BRSK2: variants seen among roughly 807,000 people sequenced by gnomAD.
BRSK2 encodes the protein BR serine/threonine kinase 2.
A neutral mutation model predicts 83.3 loss-of-function variants in BRSK2; 19 were observed. That is an observed-to-expected ratio of 0.23 (90% confidence interval 0.16 to 0.33). The LOEUF (loss-of-function observed/expected upper bound fraction) is 0.33. Ranked by LOEUF, BRSK2 falls within the 10% of genes least tolerant of loss-of-function variation. BRSK2 has a pLI of 1.00. For synonymous variants in BRSK2, 519 were observed against 435.4 expected (o/e 1.19, Z -2.39); for missense variants, 798 against 1,042.3 (o/e 0.77, Z 3.23).
intron 11 of BRSK2, 43 bp downstream of exon 11, chr11:1,445,711 C>T: frequency 1.2e-6 from 2 of 1,611,170 alleles, no homozygotes; most frequent in South Asian, 2.2e-5. Flanking sequence ...TGCACTGCCC[C>T]ACCGGGGTCC....
chr11:1,426,160 C>T (rs960914301), intron 1 of BRSK2, among the ~76,000 whole-genome samples: 22 of 152,310 alleles, frequency 1.4e-4, no homozygotes, highest in African/African-American at 4.3e-4. Flanking sequence ...CTGCATGGGA[C>T]GGGCAGGGCC....
chr11:1,450,878 AC>A, intron 14 of BRSK2, 84 bp downstream of exon 14: 2 of 1,346,328 alleles, frequency 1.5e-6, no homozygotes, highest in East Asian at 5.2e-5. Flanking sequence ...GCAGTGCCAG[AC>A]CAGTCCGAGG....
intron 1 of BRSK2, among the ~76,000 whole-genome samples, chr11:1,402,228 G>A (rs1846527283): frequency 6.6e-6 from 1 of 152,208 alleles, no homozygotes; most frequent in Non-Finnish European, 1.5e-5. Flanking sequence ...CCCCGGGGCG[G>A]GGCAGGCACA....
At chr11:1,420,413 A>AGTTTT (rs758080308) in intron 1 of BRSK2, among the ~76,000 whole-genome samples, 56 of 152,236 alleles carry the variant, frequency 3.7e-4, no homozygotes, top group Non-Finnish European at 6.3e-4. Flanking sequence ...AGACATTTTC[A>AGTTTT]GTTTTCCAGG....
chr11:1,454,781 C>T lies in BRSK2; in HGVS notation c.1668+173C>T, dbSNP rs1846272150. 6.6e-6 allele frequency among the ~76,000 whole-genome samples: 1 copy of T among 152,324 alleles called. No homozygotes were observed. The highest frequency in any genetic ancestry group is 1.9e-4 in the East Asian group (1 of 5,174). The stretch of plus-strand genomic sequence containing the variant: ...CACTGGACAGGCGCTCTCTCCTGCC[C>T]ACCCTCGTGAGGGAGGGGTCACTGC... On this transcript the variant is annotated intron_variant, in intron 16 of 19. Coordinates refer to ENST00000528841, the MANE Select transcript of BRSK2 (RefSeq NM_001256627.2). The surrounding 1 kb of genome is among the most constrained non-coding windows in gnomAD (Gnocchi z 5.2).
At position 1,459,224 on chromosome 11, in the gene BRSK2, C is replaced by A. The variant is rs746469963; in HGVS notation, c.1972C>A (p.Arg658=). 1 of 1,613,690 alleles carries A rather than the reference C, an allele frequency of 6.2e-7. No individual in the cohort carries two copies. The highest frequency in any genetic ancestry group is 1.3e-5 in the African/African-American group (1 of 74,924). ...TAACTGTATGGAAATGATGACGGGG[C>A]GGCTTTCCAAATGTGGTAAGAATCC... The part of the protein sequence containing the change: ...TTNCMEMMTG[R]LSKCGSPLSN... Residue 658 remains arginine (R), a synonymous_variant, in exon 19 of 20, where the codon CGG becomes AGG. Coordinates refer to ENST00000528841, the MANE Select transcript of BRSK2 (RefSeq NM_001256627.2).
chr11:1,451,273 G>A, intron 14 of BRSK2, 98 bp from the exon 15 acceptor site: 3 of 1,383,122 alleles, frequency 2.2e-6, no homozygotes, highest in South Asian at 2.3e-5. Flanking sequence ...GTGTGTGGGT[G>A]GACTCCTGAT....
intron 12 of BRSK2, chr11:1,448,011 GC>G: frequency 3.7e-6 from 3 of 821,874 alleles, no homozygotes; most frequent in South Asian, 1.6e-5. Context: ...CCAGGCAAGG[GC>G]CCGCGGGCCA....
intron 1 of BRSK2, 118 bp from the exon 2 acceptor site, chr11:1,435,908 CCTCCGGCCCTGGAG>C: frequency 1.6e-6 from 1 of 625,450 alleles, no homozygotes; most frequent in Non-Finnish European, 2.8e-6. Context: ...CGGGCAGGGG[CCTCCGGCCCTGGAG>C]CGGGTGGGAC....
intron 1 of BRSK2, among the ~76,000 whole-genome samples, chr11:1,401,337 C>T (rs772756535): frequency 4.6e-5 from 7 of 152,244 alleles, no homozygotes; most frequent in South Asian, 2.1e-4. Context: ...GGCTCACGCC[C>T]GGGGTGCGGG....
At chr11:1,404,814 G>T (rs977444976) in intron 1 of BRSK2, among the ~76,000 whole-genome samples, 13 of 152,188 alleles carry the variant, frequency 8.5e-5, no homozygotes, top group Non-Finnish European at 8.8e-5. Flanking sequence ...GATTACTGCT[G>T]CGACGGCTCC....
chr11:1,421,282 G>A (rs1318450040), intron 1 of BRSK2, among the ~76,000 whole-genome samples: 5 of 152,168 alleles, frequency 3.3e-5, no homozygotes, highest in Admixed American at 1.3e-4. Context: ...GGAGGCAGGC[G>A]TCTGCAGTCT....
In BRSK2 at chr11:1,398,300, G is replaced by A. The variant is rs1382960561; in HGVS notation, c.91+7925G>A. Among the ~76,000 whole-genome samples the A allele has an allele frequency of 2.6e-5, 4 of 152,160 alleles. No individual in the cohort carries two copies. In the East Asian group the frequency reaches 5.8e-4, roughly 22 times the overall value. ...TGAATCAGCTGCAGGGCTAGCTGCT[G>A]CCTGAGCTGCCTGGTTGGGGCTGGC... On this transcript the variant is annotated intron_variant, in intron 1 of 19. Transcript: ENST00000528841.
chr11:1,460,483 C>G lies in BRSK2; in HGVS notation c.1988-17C>G. On this transcript the variant is annotated splice_polypyrimidine_tract_variant and intron_variant, in intron 19 of 19. Coordinates refer to ENST00000528841, the MANE Select transcript of BRSK2 (RefSeq NM_001256627.2). The stretch of plus-strand genomic sequence containing the variant: ...TTCCTTTTTTTTTTTTTTTTTGTCT[C>G]TGTTCTGTGTACCCAGGCAGCCCAT... 2.4e-6 allele frequency: 2 copies of G among 818,518 alleles called. No individual in the cohort carries two copies. The highest frequency in any genetic ancestry group is 3.5e-5 in the South Asian group (1 of 28,852). 50.7% of individuals were successfully genotyped at this position (818,518 alleles called of 1,614,324 possible).
chr11:1,449,797 C>G lies in BRSK2; in HGVS notation c.1248C>G (p.Ala416=), dbSNP rs200368980. 6.6e-4 allele frequency: 1,059 copies of G among 1,612,200 alleles called. 2 individuals carry two copies. The highest frequency in any genetic ancestry group is 2.8e-3 in the Middle Eastern group (17 of 6,056). ...HGQRSRSISG[A]SSGLSTSPLS... is the part of the protein sequence containing the mutation. ...CCAGGTCTCGGTCCATCAGCGGTGC[C>G]TCCTCAGGCCTTTCCACCAGCCCAC... Residue 416 remains alanine, a synonymous_variant, in exon 13 of 20, where the codon GCC becomes GCG. Coordinates refer to ENST00000528841, the MANE Select transcript of BRSK2 (RefSeq NM_001256627.2).
At chr11:1,422,221 G>A (rs1009259884) in intron 1 of BRSK2, among the ~76,000 whole-genome samples, 12 of 152,152 alleles carry the variant, frequency 7.9e-5, no homozygotes, top group Non-Finnish European at 1.2e-4. Context: ...GGGGGCGGGG[G>A]CTGGCCAGGC....
rs559198802 is a variant in BRSK2, at chr11:1,392,585, C to T, written c.91+2210C>T. Among the ~76,000 whole-genome samples, 16 of 152,290 alleles carry T rather than the reference C, an allele frequency of 1.1e-4. No individual in the cohort carries two copies. The South Asian group carries it at 2.1e-3, about 20-fold the overall frequency. On this transcript the variant is annotated intron_variant, in intron 1 of 19. Transcript: ENST00000528841. ...GTGGTGCCACGAGAGCCCTTCCACC[C>T]GGCTGACCCAAGCTGGGGCCTGCTG...
At chr11:1,425,757 C>T (rs1233868223) in intron 1 of BRSK2, among the ~76,000 whole-genome samples, 1 of 152,200 alleles carries the variant, frequency 6.6e-6, no homozygotes, top group Non-Finnish European at 1.5e-5. Context: ...GAACCCACCC[C>T]CTTCTGGGCG....
At chr11:1,411,733 A>G in intron 1 of BRSK2, 1 of 1,484,170 alleles carries the variant, frequency 6.7e-7, no homozygotes, top group Non-Finnish European at 9.0e-7. Flanking sequence ...GGACCTCGCC[A>G]GCACTGGTGG....
Sources: gnomAD v4.1 joint callset for allele counts (sites outside exome capture counted in the v4.1 genomes callset) on GRCh38, gnomAD v4.1.1 for gene constraint, Gnocchi (gnomAD v3.1) non-coding constraint, MANE v1.5 for transcripts, NCBI Gene and HGNC (gene_info 2026-07-23, HGNC 2026-07-21) for gene names.